C2orf76: variants seen among roughly 807,000 people sequenced by gnomAD.
C2orf76 encodes UPF0538 protein C2orf76.
A neutral mutation model predicts 16.9 loss-of-function variants in C2orf76; 23 were observed. The observed-to-expected ratio is 1.36, with a 90% CI of 0.98 to 1.93. C2orf76 has a LOEUF of 1.93. Among genes scored for constraint, C2orf76 ranks in the 30% most tolerant of loss-of-function variants. The pLI is 0.00. For missense variants in C2orf76, 152 were observed against 152.6 expected (o/e 1.00, Z 0.02); for synonymous variants, 48 against 52.3 (o/e 0.92, Z 0.35).
chr2:119,291,399 C>T, the C2orf76 span, among the ~76,000 whole-genome samples: 81 of 151,908 alleles, frequency 5.3e-4, no homozygotes, highest in African/African-American at 1.5e-3. Context: ...GTGAAAGGGA[C>T]GGCTTTATCC....
chr2:119,326,078 T>C (rs1346919277), intron 2 of C2orf76, among the ~76,000 whole-genome samples: 1 of 152,238 alleles, frequency 6.6e-6, no homozygotes, highest in Admixed American at 6.5e-5. Context: ...GAAAAGTTTT[T>C]AATTTTGCTA....
chr2:119,344,160 T>C (rs948651971), intron 1 of C2orf76, among the ~76,000 whole-genome samples: 6 of 152,240 alleles, frequency 3.9e-5, no homozygotes, highest in African/African-American at 1.4e-4. Flanking sequence ...CATCTTTCTT[T>C]TATGTGCTTC....
chr2:119,340,086 T>C (rs1679979058), intron 1 of C2orf76, 115 bp from the exon 2 acceptor site: 5 of 1,184,454 alleles, frequency 4.2e-6, no homozygotes, highest in Non-Finnish European at 4.7e-6. Flanking sequence ...CCATGCTGCA[T>C]GATCACTGAC....
downstream of C2orf76, among the ~76,000 whole-genome samples, chr2:119,301,978 C>T (rs192257300): frequency 1.8e-4 from 27 of 149,440 alleles, no homozygotes; most frequent in East Asian, 4.9e-3. Context: ...ATACACAATT[C>T]AATTGCACAT....
downstream of C2orf76, among the ~76,000 whole-genome samples, chr2:119,298,288 A>C (rs1678569623): frequency 1.3e-5 from 2 of 152,218 alleles, no homozygotes; most frequent in African/African-American, 4.8e-5. Context: ...ATTTTAGTGA[A>C]TGGTATGAAG....
intron 1 of C2orf76, among the ~76,000 whole-genome samples, chr2:119,366,000 T>C (rs1460506287): frequency 6.6e-6 from 1 of 152,042 alleles, no homozygotes; most frequent in African/African-American, 2.4e-5. Flanking sequence ...CCCACGCCTT[T>C]ACACTTGTTC....
At chr2:119,281,146 C>T in the C2orf76 span, among the ~76,000 whole-genome samples, 1 of 152,040 alleles carries the variant, frequency 6.6e-6, no homozygotes, top group Non-Finnish European at 1.5e-5. Context: ...TTATTTTTAG[C>T]TTTTATTTTA....
chr2:119,354,395 C>T (rs895076753), intron 1 of C2orf76, among the ~76,000 whole-genome samples: 6 of 152,094 alleles, frequency 3.9e-5, no homozygotes, highest in African/African-American at 1.2e-4. Context: ...CGTGGTGGCA[C>T]GCTCCTGTAA....
chr2:119,352,793 A>T (rs1558796732), intron 1 of C2orf76, among the ~76,000 whole-genome samples: 1 of 152,196 alleles, frequency 6.6e-6, no homozygotes, highest in Non-Finnish European at 1.5e-5. Flanking sequence ...CATTATAGAC[A>T]GGTTATATAT....
At chr2:119,286,735 A>T in the C2orf76 span, among the ~76,000 whole-genome samples, 1 of 152,098 alleles carries the variant, frequency 6.6e-6, no homozygotes, top group Non-Finnish European at 1.5e-5. Context: ...TCGGTGGATG[A>T]GAGTCTGCAG....
At chr2:119,290,729 C>A in the C2orf76 span, among the ~76,000 whole-genome samples, 3 of 152,080 alleles carry the variant, frequency 2.0e-5, no homozygotes, top group Non-Finnish European at 4.4e-5. Context: ...ACTCAGGAGG[C>A]TGAGACAGGA....
At chr2:119,309,225 A>G (rs1257798769) in intron 5 of C2orf76, among the ~76,000 whole-genome samples, 2 of 152,102 alleles carry the variant, frequency 1.3e-5, no homozygotes, top group Non-Finnish European at 2.9e-5. Context: ...ACTCTACTAC[A>G]TAAAACAGTA....
intron 2 of C2orf76, among the ~76,000 whole-genome samples, chr2:119,335,749 T>C (rs1459301721): frequency 6.6e-6 from 1 of 152,202 alleles, no homozygotes; most frequent in South Asian, 2.1e-4. Flanking sequence ...TAATCCTAAA[T>C]GATGTGGAAA....
In C2orf76 at chr2:119,334,453, G is replaced by A. The variant is rs574238343; in HGVS notation, c.133+5374C>T. On this transcript the variant is annotated intron_variant, in intron 2 of 5. Coordinates refer to ENST00000334816, the MANE Select transcript of C2orf76 (RefSeq NM_001322331.2). Reference sequence around the variant, plus strand: ...TATAATTCCAGCACTTTGGGAGGCCGAGGCAGCGGACTGCCTGAGTCCAGG... The same window carrying A: ...TATAATTCCAGCACTTTGGGAGGCCAAGGCAGCGGACTGCCTGAGTCCAGG... 1.0e-4 allele frequency among the ~76,000 whole-genome samples: 15 copies of A among 149,932 alleles called. No individual in the cohort carries two copies. The South Asian group carries it at 2.3e-3, about 23-fold the overall frequency.
At chr2:119,362,252 CTGTT>C (rs932316958) in intron 1 of C2orf76, among the ~76,000 whole-genome samples, 14 of 152,180 alleles carry the variant, frequency 9.2e-5, no homozygotes, top group African/African-American at 2.4e-4. Flanking sequence ...TGTTAATCAA[CTGTT>C]TGTTATCAGT....
intron 3 of C2orf76, among the ~76,000 whole-genome samples, chr2:119,320,587 CA>C (rs535110410): frequency 4.0e-4 from 60 of 150,364 alleles, no homozygotes; most frequent in African/African-American, 1.2e-3. Flanking sequence ...AAAGCCACTC[CA>C]AAAAAAAATC....
intron 2 of C2orf76, among the ~76,000 whole-genome samples, chr2:119,329,206 T>G: frequency 6.6e-6 from 1 of 152,194 alleles, no homozygotes; most frequent in East Asian, 1.9e-4. Context: ...TCATTTATTT[T>G]GAAATTCTGT....
intron 1 of C2orf76, among the ~76,000 whole-genome samples, chr2:119,361,129 G>A (rs1457268608): frequency 6.6e-6 from 1 of 152,184 alleles, no homozygotes; most frequent in East Asian, 1.9e-4. Flanking sequence ...GGAGAAACTA[G>A]GTAAGATGTA....
chr2:119,344,146 T>C (rs919821010), intron 1 of C2orf76, among the ~76,000 whole-genome samples: 20 of 152,242 alleles, frequency 1.3e-4, no homozygotes, highest in Non-Finnish European at 2.8e-4. Flanking sequence ...TGGACAACTA[T>C]TGTCATCTTT....
Sources: gnomAD v4.1 joint callset for allele counts (sites outside exome capture counted in the v4.1 genomes callset) on GRCh38, gnomAD v4.1.1 for gene constraint, MANE v1.5 for transcripts, NCBI Gene and HGNC (gene_info 2026-07-23, HGNC 2026-07-21) for gene names.